Variants in AFF3 observed in about 807,000 individuals in gnomAD.
AFF3 encodes the protein AF4/FMR2 family member 3.
Under a neutral mutation model 129.7 loss-of-function variants are expected in AFF3, and 32 were observed. That is an observed-to-expected ratio of 0.25 (90% confidence interval 0.19 to 0.33). The LOEUF is 0.33. Among genes scored for constraint, AFF3 ranks in the 10% least tolerant of loss-of-function variants. AFF3 has a pLI of 1.00. For synonymous variants in AFF3, 644 were observed against 635.4 expected, an observed-to-expected ratio of 1.01 and a Z score of -0.20; for missense variants, 1,373 against 1,592.0, an observed-to-expected ratio of 0.86 and a Z score of 2.34.
intron 8 of AFF3, among the ~76,000 whole-genome samples, chr2:99,763,569 T>C (rs1352960356): frequency 1.3e-5 from 2 of 149,808 alleles, no homozygotes; most frequent in Admixed American, 1.3e-4. Context: ...ACAACAACAA[T>C]AATTAGCATT....
At position 99,568,873 on chromosome 2, in the gene AFF3, C is replaced by A. The variant is rs1468927866; in HGVS notation, c.2961G>T (p.Met987Ile). Residue 987 changes from methionine to isoleucine, a missense_variant, in exon 19 of 25, where the codon ATG (methionine) becomes ATT (isoleucine). Physicochemically the swap from Met to Ile is conservative, Grantham distance 10 (BLOSUM62 1). This residue lies in a region of AFF3 where 65 missense variants were observed against 102.1 expected (regional missense o/e 0.64). Coordinates refer to ENST00000672756, the MANE Select transcript of AFF3 (RefSeq NM_001386135.1). The part of the protein sequence containing the change: ...ADYFMQEAKR[M>I]KHKADAMVEK... Reference sequence around the variant, plus strand: ...TCACCATTGCATCTGCTTTATGCTTCATTCGTTTAGCTTCTTGCATAAAAT... The same window carrying A: ...TCACCATTGCATCTGCTTTATGCTTAATTCGTTTAGCTTCTTGCATAAAAT... 4 of 1,614,142 alleles carry A rather than the reference C, an allele frequency of 2.5e-6. No homozygotes were observed. Among genetic ancestry groups the A allele is most frequent in the African/African-American group, 1.3e-5 (1 of 75,076 alleles).
Position 99,684,173 on chromosome 2 carries a change from C to T in AFF3, c.1092-11584G>A, listed in dbSNP as rs77303624. Among the ~76,000 whole-genome samples the T allele has an allele frequency of 4.5e-3, 690 of 152,342 alleles. 5 individuals carry two copies. Among genetic ancestry groups the T allele is most frequent in the African/African-American group, 0.015 (610 of 41,570 alleles). On this transcript the variant is annotated intron_variant, in intron 11 of 24. Coordinates refer to ENST00000672756, the MANE Select transcript of AFF3 (RefSeq NM_001386135.1). The stretch of plus-strand genomic sequence containing the variant: ...CTTTCTCCACCTAAGCTCATTTAGT[C>T]TCTCCTTCCCCAAATGTCTTGAGGA...
At chr2:100,031,081 A>C (rs925866606) in intron 4 of AFF3, among the ~76,000 whole-genome samples, 8 of 152,232 alleles carry the variant, frequency 5.3e-5, no homozygotes, top group Non-Finnish European at 1.0e-4. Flanking sequence ...CAGTATGAGG[A>C]AATAAAATCC....
chr2:99,663,566 C>A (rs997011955), intron 12 of AFF3, among the ~76,000 whole-genome samples: 11 of 152,176 alleles, frequency 7.2e-5, no homozygotes, highest in Non-Finnish European at 1.3e-4. Flanking sequence ...GGCAGCTTTT[C>A]ATTGTGCAAG....
chr2:99,959,710 T>C (rs1265229314), intron 7 of AFF3, among the ~76,000 whole-genome samples: 1 of 149,804 alleles, frequency 6.7e-6, no homozygotes, highest in East Asian at 2.0e-4. Context: ...TATATATATA[T>C]ATATATATAT....
intron 12 of AFF3, among the ~76,000 whole-genome samples, chr2:99,653,457 T>C (rs953245818): frequency 3.3e-5 from 5 of 152,264 alleles, no homozygotes; most frequent in Non-Finnish European, 5.9e-5. Flanking sequence ...CAATTCCTGC[T>C]GACTTCTGTG....
chr2:99,815,661 C>T (rs935102594), intron 8 of AFF3, among the ~76,000 whole-genome samples: 5 of 151,524 alleles, frequency 3.3e-5, no homozygotes, highest in East Asian at 3.9e-4. Flanking sequence ...TTCTCCTTAA[C>T]GTCTGAAGCA....
At chr2:99,940,032 T>C (rs973754290) in intron 7 of AFF3, among the ~76,000 whole-genome samples, 4 of 152,194 alleles carry the variant, frequency 2.6e-5, no homozygotes, top group Non-Finnish European at 5.9e-5. Context: ...AATACTAAGA[T>C]CTTAGACTTT....
intron 12 of AFF3, among the ~76,000 whole-genome samples, chr2:99,664,408 T>G (rs1332211125): frequency 6.6e-6 from 1 of 152,248 alleles, no homozygotes; most frequent in African/African-American, 2.4e-5. Flanking sequence ...AAACTCAGTC[T>G]CTTGGTTTTG....
At chr2:100,071,957 G>C (rs931807489) in intron 4 of AFF3, among the ~76,000 whole-genome samples, 3 of 152,110 alleles carry the variant, frequency 2.0e-5, no homozygotes, top group African/African-American at 7.2e-5. Context: ...GTATTTTTAT[G>C]CCTTCTGACA....
intron 13 of AFF3, among the ~76,000 whole-genome samples, chr2:99,603,111 C>G (rs747253145): frequency 2.0e-5 from 3 of 152,142 alleles, no homozygotes; most frequent in Non-Finnish European, 4.4e-5. Context: ...TGAGCTGCAG[C>G]GATTTCTTTT....
intron 7 of AFF3, among the ~76,000 whole-genome samples, chr2:99,896,619 G>GC (rs1693971177): frequency 4.5e-5 from 2 of 44,190 alleles, no homozygotes; most frequent in Admixed American, 4.9e-4. Flanking sequence ...CTGTCAAAAT[G>GC]CTTTTTTTTT....
intron 11 of AFF3, among the ~76,000 whole-genome samples, chr2:99,692,357 T>C (rs1229818095): frequency 6.6e-6 from 1 of 152,182 alleles, no homozygotes; most frequent in Non-Finnish European, 1.5e-5. Flanking sequence ...CTCCCCCTTC[T>C]TCAGCATCAC....
intron 4 of AFF3, among the ~76,000 whole-genome samples, chr2:100,057,668 T>C (rs1686912704): frequency 6.6e-6 from 1 of 152,190 alleles, no homozygotes; most frequent in Admixed American, 6.5e-5. Flanking sequence ...AATCTCTTGC[T>C]ACTGGTTTAA....
chr2:100,115,682 T>C (rs1481696085), intron 2 of AFF3, among the ~76,000 whole-genome samples: 2 of 152,278 alleles, frequency 1.3e-5, no homozygotes, highest in Non-Finnish European at 2.9e-5. Flanking sequence ...TGATGTCTGA[T>C]GTATTATGTC....
chr2:99,889,388 A>T (rs1269495931), intron 7 of AFF3, among the ~76,000 whole-genome samples: 1 of 152,244 alleles, frequency 6.6e-6, no homozygotes, highest in Non-Finnish European at 1.5e-5. Context: ...TGAATAATCC[A>T]TTTGAAATAT....
At chr2:100,037,624 T>C (rs1167247992) in intron 4 of AFF3, among the ~76,000 whole-genome samples, 2 of 84,864 alleles carry the variant, frequency 2.4e-5, no homozygotes, top group African/African-American at 9.9e-5. Context: ...ATTTATATTT[T>C]ATATATTATT....
At chr2:99,939,209 G>C (rs946102345) in intron 7 of AFF3, among the ~76,000 whole-genome samples, 1 of 152,188 alleles carries the variant, frequency 6.6e-6, no homozygotes, top group African/African-American at 2.4e-5. Context: ...CTTTTTCTGC[G>C]TGGCCCTGGA....
intron 14 of AFF3, among the ~76,000 whole-genome samples, chr2:99,595,466 A>G (rs899328663): frequency 2.6e-5 from 4 of 152,240 alleles, no homozygotes; most frequent in African/African-American, 7.2e-5. Context: ...GCTTAGCTCC[A>G]TACTTCAAGC....
Sources: gnomAD v4.1 joint callset for allele counts (sites outside exome capture counted in the v4.1 genomes callset) on GRCh38, gnomAD v4.1.1 for gene constraint, gnomAD v4.1.1 regional missense constraint, MANE v1.5 for transcripts, NCBI Gene and HGNC (gene_info 2026-07-23, HGNC 2026-07-21) for gene names.